EPB41L5: variants seen among roughly 807,000 people sequenced by gnomAD.
The protein encoded by EPB41L5 is band 4.1-like protein 5.
Under a neutral mutation model 106.6 loss-of-function variants are expected in EPB41L5, and 55 were observed. The ratio of observed to expected loss-of-function variants is 0.52; its 90% CI spans 0.42 to 0.65. The LOEUF (loss-of-function observed/expected upper bound fraction) is 0.65, where lower values mean the gene tolerates loss of function less well. Ranked by LOEUF, EPB41L5 falls within the 30% of genes least tolerant of loss-of-function variation. The pLI is 0.00. For missense variants in EPB41L5, 871 were observed against 882.1 expected (o/e 0.99, Z 0.16); for synonymous variants, 297 against 306.7 (o/e 0.97, Z 0.33).
At chr2:120,067,748 G>T (rs1681543718) in intron 3 of EPB41L5, among the ~76,000 whole-genome samples, 1 of 152,076 alleles carries the variant, frequency 6.6e-6, no homozygotes, top group African/African-American at 2.4e-5. Context: ...CATCTGTTTT[G>T]TAAAATTTGG....
At chr2:120,139,385 A>C (rs1686076398) in intron 18 of EPB41L5, among the ~76,000 whole-genome samples, 1 of 152,088 alleles carries the variant, frequency 6.6e-6, no homozygotes, top group Non-Finnish European at 1.5e-5. Context: ...CAAAGTGAAG[A>C]GATGACCCAC....
intron 12 of EPB41L5, among the ~76,000 whole-genome samples, chr2:120,091,001 A>G (rs1262719812): frequency 2.6e-5 from 4 of 152,180 alleles, no homozygotes; most frequent in Non-Finnish European, 5.9e-5. Context: ...CATGCCATGG[A>G]AATCAGTTAA....
intron 3 of EPB41L5, among the ~76,000 whole-genome samples, chr2:120,062,671 T>G (rs1028657816): frequency 1.3e-5 from 2 of 152,236 alleles, no homozygotes; most frequent in African/African-American, 4.8e-5. Context: ...ATTATGAATA[T>G]TCAATAATTC....
chr2:120,168,135 T>C (rs1687500016), intron 24 of EPB41L5, 128 bp downstream of exon 24: 2 of 1,096,026 alleles, frequency 1.8e-6, no homozygotes, highest in East Asian at 2.6e-5. Context: ...ATGGGGCAAA[T>C]CTTTTTTCTG....
chr2:120,077,001 A>G lies in EPB41L5; in HGVS notation c.536A>G (p.His179Arg), dbSNP rs770807171. The change falls in exon 8 of 25, where the codon CAT (histidine) becomes CGT (arginine). Residue 179 changes from histidine (H) to arginine (R), a missense_variant. By Grantham distance (29) the His-to-Arg change is conservative. Transcript: ENST00000263713. The stretch of plus-strand genomic sequence containing the variant: ...CTTGGTGACTATGATCTTGCTGAGC[A>G]TAGTCCTGAACTTGTCTCAGAGTTC... ...AELGDYDLAE[H>R]SPELVSEFRF... 6.2e-7 allele frequency: 1 copy of G among 1,609,956 alleles called. No individual in the cohort carries two copies. The highest frequency in any genetic ancestry group is 1.1e-5 in the South Asian group (1 of 90,070).
chr2:120,031,734 A>G (rs904082578), intron 2 of EPB41L5, among the ~76,000 whole-genome samples: 2 of 152,118 alleles, frequency 1.3e-5, no homozygotes, highest in African/African-American at 4.8e-5. Context: ...GCTTTACACT[A>G]ATTAGAATTA....
At chr2:120,042,602 A>G (rs920683555) in intron 3 of EPB41L5, among the ~76,000 whole-genome samples, 7 of 152,316 alleles carry the variant, frequency 4.6e-5, no homozygotes, top group Middle Eastern at 3.4e-3. Context: ...AGCATACATA[A>G]TGGAGTAGAA....
At chr2:120,113,900 A>G (rs1315982988) in intron 16 of EPB41L5, among the ~76,000 whole-genome samples, 1 of 152,126 alleles carries the variant, frequency 6.6e-6, no homozygotes, top group Non-Finnish European at 1.5e-5. Context: ...TTATTTATCC[A>G]TTGTCAGTTG....
intron 22 of EPB41L5, among the ~76,000 whole-genome samples, chr2:120,166,786 C>A (rs1558917825): frequency 6.6e-6 from 1 of 152,190 alleles, no homozygotes; most frequent in African/African-American, 2.4e-5. Context: ...CCTGGACTTA[C>A]ATTAGTTTTT....
intron 3 of EPB41L5, among the ~76,000 whole-genome samples, chr2:120,049,755 G>A (rs1320208349): frequency 6.6e-6 from 1 of 152,126 alleles, no homozygotes; most frequent in Non-Finnish European, 1.5e-5. Context: ...TTTCTTCCTA[G>A]CATCGATGGT....
chr2:120,013,336 A>C (rs1256281526), intron 1 of EPB41L5, 126 bp downstream of exon 1: 2 of 152,152 alleles, frequency 1.3e-5, no homozygotes, highest in African/African-American at 4.8e-5. Context: ...GGCCGCACCC[A>C]GACCCTAGGG....
rs34856540 is a variant in EPB41L5, at chr2:120,055,481, A to ATTTTTTT, written c.285+13390_285+13396dup. 2.6e-4 allele frequency among the ~76,000 whole-genome samples: 22 copies of ATTTTTTT among 85,568 alleles called. 1 individual carries two copies. Among genetic ancestry groups the ATTTTTTT allele is most frequent in the East Asian group, 1.1e-3 (3 of 2,814 alleles). The allele number at this position is 85,568 out of a possible 152,430, so 56.1% of individuals were successfully genotyped here. ...TGTCTTTCTCTGTATTAGGTTTTTA[A>ATTTTTTT]TTTTTTTTTTTTTTTTTTTTTTTTT... On this transcript the variant is annotated intron_variant, in intron 3 of 24. Coordinates refer to ENST00000263713, the MANE Select transcript of EPB41L5 (RefSeq NM_020909.4).
intron 1 of EPB41L5, chr2:120,013,523 G>T (rs1677289163): frequency 6.6e-6 from 1 of 152,246 alleles, no homozygotes; most frequent in Admixed American, 6.5e-5. Context: ...CCGAGCCGCG[G>T]GTACCCCTCG....
At chr2:120,167,261 T>A (rs1418392377) in intron 22 of EPB41L5, among the ~76,000 whole-genome samples, 1 of 152,226 alleles carries the variant, frequency 6.6e-6, no homozygotes, top group East Asian at 1.9e-4. Context: ...TATGACACTT[T>A]CTTAAGTGGT....
At chr2:120,120,667 G>A (rs1274938980) in intron 16 of EPB41L5, among the ~76,000 whole-genome samples, 3 of 151,904 alleles carry the variant, frequency 2.0e-5, no homozygotes, top group African/African-American at 7.3e-5. Flanking sequence ...TGTTACACCT[G>A]GAAGCTCAAA....
chr2:120,157,753 A>G (rs1421069097), intron 20 of EPB41L5, among the ~76,000 whole-genome samples: 1 of 145,960 alleles, frequency 6.9e-6, no homozygotes, highest in Non-Finnish European at 1.5e-5. Flanking sequence ...TGGGAAACGG[A>G]GTGAGACCCT....
At chr2:120,082,173 T>A (rs1430288321) in intron 10 of EPB41L5, among the ~76,000 whole-genome samples, 1 of 152,194 alleles carries the variant, frequency 6.6e-6, no homozygotes, top group East Asian at 1.9e-4. Context: ...AGAGAGGGCA[T>A]CCCTGTCTTG....
At chr2:120,136,388 T>C (rs1338013407) in intron 18 of EPB41L5, among the ~76,000 whole-genome samples, 2 of 150,166 alleles carry the variant, frequency 1.3e-5, no homozygotes, top group African/African-American at 4.9e-5. Flanking sequence ...GAAATGGCAA[T>C]AATAAATCCT....
At chr2:120,162,789 A>C (rs541593139) in intron 21 of EPB41L5, among the ~76,000 whole-genome samples, 2 of 152,360 alleles carry the variant, frequency 1.3e-5, no homozygotes, top group East Asian at 3.9e-4. Context: ...ATCGTAATAC[A>C]TTGTGGTAGA....
Sources: gnomAD v4.1 joint callset for allele counts (sites outside exome capture counted in the v4.1 genomes callset) on GRCh38, gnomAD v4.1.1 for gene constraint, MANE v1.5 for transcripts, NCBI Gene and HGNC (gene_info 2026-07-23, HGNC 2026-07-21) for gene names.